The following FGF1 variants were observed in gnomAD, a reference collection of about 807,000 sequenced individuals.
FGF1 encodes beta-endothelial cell growth factor.
Under a neutral mutation model 13.4 loss-of-function variants are expected in FGF1, and 9 were observed. The observed-to-expected ratio is 0.67, with a 90% CI of 0.40 to 1.17. FGF1 has a LOEUF of 1.17. Ranked by LOEUF, FGF1 falls within the 50% of genes most tolerant of loss-of-function variation. The pLI, the probability that FGF1 is intolerant of heterozygous loss-of-function variation, is 0.01. For synonymous variants in FGF1, 93 were observed against 79.0 expected, an observed-to-expected ratio of 1.18 and a Z score of -0.94; for missense variants, 156 against 192.7, an observed-to-expected ratio of 0.81 and a Z score of 1.13.
rs111251153 is a variant in FGF1, at chr5:142,654,430, C to T, written c.-35+31527G>A. Among the ~76,000 whole-genome samples the T allele has an allele frequency of 3.4e-4, 51 of 152,196 alleles. 1 individual carries two copies. Among genetic ancestry groups the T allele is most frequent in the African/African-American group, 1.1e-3 (47 of 41,520 alleles). On this transcript the variant is annotated intron_variant, in intron 1 of 3. Coordinates refer to ENST00000337706, the MANE Select transcript of FGF1 (RefSeq NM_000800.5). Reference sequence around the variant, plus strand: ...GCAAGTTCACTTATAATGAACTGCTCGATAGTTCATTGAACTTTGGATAGT... The same window carrying T: ...GCAAGTTCACTTATAATGAACTGCTTGATAGTTCATTGAACTTTGGATAGT...
chr5:142,644,616 C>G (rs1377318969), intron 1 of FGF1, among the ~76,000 whole-genome samples: 2 of 152,170 alleles, frequency 1.3e-5, no homozygotes, highest in East Asian at 3.8e-4. Context: ...TCATACCTAC[C>G]TTAGTATAAA....
intron 1 of FGF1, among the ~76,000 whole-genome samples, chr5:142,646,690 C>T (rs1766213814): frequency 1.3e-5 from 2 of 152,028 alleles, no homozygotes; most frequent in African/African-American, 4.8e-5. Context: ...GACGAGGTTT[C>T]ACCATCTTGG....
At chr5:142,600,462 A>G (rs1756263652) in intron 3 of FGF1, among the ~76,000 whole-genome samples, 2 of 152,248 alleles carry the variant, frequency 1.3e-5, no homozygotes, top group Admixed American at 6.5e-5. Flanking sequence ...TTACCAAAAC[A>G]TCAATCAATC....
At position 142,671,698 on chromosome 5, in the gene FGF1, G is replaced by C. The variant is rs562069998; in HGVS notation, c.-35+14259C>G. The C allele has an allele frequency of 1.2e-4, 18 of 152,302 alleles. No individual in the cohort carries two copies. The South Asian group carries it at 3.5e-3, about 30-fold the overall frequency. The allele number at this position is 152,302 out of a possible 1,614,324, so 9.4% of individuals were successfully genotyped here. A position where few individuals can be genotyped will look rare whatever the true frequency, so the allele number is the denominator to read the frequency against. ...TGGATCCTGCAGAGTAGGATGGGAG[G>C]GAGTTTTCGAAACCACTGGACTTGT... On this transcript the variant is annotated intron_variant, in intron 1 of 3. Coordinates refer to ENST00000337706, the MANE Select transcript of FGF1 (RefSeq NM_000800.5).
intron 1 of FGF1, among the ~76,000 whole-genome samples, chr5:142,675,043 G>A (rs1772250976): frequency 6.6e-6 from 1 of 152,182 alleles, no homozygotes; most frequent in Non-Finnish European, 1.5e-5. Flanking sequence ...TGGTTCAGGG[G>A]CGGCGTGAGG....
chr5:142,668,131 T>A (rs1770784750), intron 1 of FGF1, among the ~76,000 whole-genome samples: 3 of 152,236 alleles, frequency 2.0e-5, no homozygotes, highest in African/African-American at 7.2e-5. Flanking sequence ...CCTTGTTAAA[T>A]GTCTCCTCCC....
chr5:142,662,445 A>G (rs994808307), intron 1 of FGF1, among the ~76,000 whole-genome samples: 1 of 152,244 alleles, frequency 6.6e-6, no homozygotes, highest in African/African-American at 2.4e-5. Context: ...TGATTTTTGA[A>G]TGGTCATTTT....
upstream of FGF1, among the ~76,000 whole-genome samples, chr5:142,690,480 G>A (rs1187083036): frequency 6.6e-6 from 1 of 152,210 alleles, no homozygotes; most frequent in Admixed American, 6.5e-5. Context: ...CACTTTGAAT[G>A]TATGGATCCT....
chr5:142,693,882 A>G (rs1752640806), intron 2 of FGF1, among the ~76,000 whole-genome samples: 1 of 152,094 alleles, frequency 6.6e-6, no homozygotes, highest in Non-Finnish European at 1.5e-5. Context: ...ATAATATTTC[A>G]TTGCATGGAT....
At chr5:142,605,007 C>T (rs1007401565) in intron 2 of FGF1, among the ~76,000 whole-genome samples, 1 of 152,130 alleles carries the variant, frequency 6.6e-6, no homozygotes, top group Non-Finnish European at 1.5e-5. Flanking sequence ...AACCTATCGC[C>T]CATATATGTA....
intron 1 of FGF1, among the ~76,000 whole-genome samples, chr5:142,683,535 A>T (rs1307284763): frequency 6.6e-6 from 1 of 152,192 alleles, no homozygotes; most frequent in Non-Finnish European, 1.5e-5. Flanking sequence ...TATAGTAATT[A>T]AGAAAATTAG....
chr5:142,634,752 C>T (rs1439087722), intron 1 of FGF1, among the ~76,000 whole-genome samples: 1 of 152,236 alleles, frequency 6.6e-6, no homozygotes, highest in Non-Finnish European at 1.5e-5. Flanking sequence ...GTTTGGACTG[C>T]AGAGCTCCTG....
At chr5:142,696,305 T>G (rs1258524591) in intron 2 of FGF1, among the ~76,000 whole-genome samples, 1 of 152,004 alleles carries the variant, frequency 6.6e-6, no homozygotes, top group Non-Finnish European at 1.5e-5. Flanking sequence ...CAACATAGAG[T>G]GGCAACCATT....
At chr5:142,658,257 C>G (rs1230027631) in intron 1 of FGF1, among the ~76,000 whole-genome samples, 3 of 152,238 alleles carry the variant, frequency 2.0e-5, no homozygotes, top group Non-Finnish European at 4.4e-5. Context: ...TGTCTCAGGT[C>G]AGGCCAGCAA....
chr5:142,662,553 C>T (rs367928698), intron 1 of FGF1, among the ~76,000 whole-genome samples: 7 of 152,206 alleles, frequency 4.6e-5, no homozygotes, highest in Admixed American at 4.6e-4. Context: ...ACAGTCGGGT[C>T]TCAATAAATA....
chr5:142,644,924 G>T (rs200061653), intron 1 of FGF1, among the ~76,000 whole-genome samples: 2 of 152,258 alleles, frequency 1.3e-5, no homozygotes, highest in East Asian at 1.9e-4. Flanking sequence ...CAGTTAACTC[G>T]CCAGCTTTCT....
chr5:142,690,598 GT>G (rs142371866), upstream of FGF1, among the ~76,000 whole-genome samples: 884 of 152,262 alleles, frequency 5.8e-3, 7 homozygotes, highest in African/African-American at 0.019. Context: ...AATAATAGAT[GT>G]TTGCACATTG....
At chr5:142,666,377 A>G (rs146532995) in intron 1 of FGF1, among the ~76,000 whole-genome samples, 3,986 of 151,746 alleles carry the variant, frequency 0.026, 93 homozygotes, top group Non-Finnish European at 0.041. Context: ...GACATGATAC[A>G]ATGTACTGGA....
At chr5:142,678,925 C>G (rs943852097) in intron 1 of FGF1, among the ~76,000 whole-genome samples, 15 of 152,156 alleles carry the variant, frequency 9.9e-5, no homozygotes, top group African/African-American at 3.6e-4. Flanking sequence ...ATGGCTAAAA[C>G]ACTTTGAGGA....
Sources: allele counts gnomAD v4.1 joint callset (sites outside exome capture counted in the v4.1 genomes callset), GRCh38; gene constraint gnomAD v4.1.1; transcripts MANE v1.5; gene names NCBI Gene and HGNC (gene_info 2026-07-23, HGNC 2026-07-21).